Variants in CCDC3 observed in about 807,000 individuals in gnomAD.
CCDC3 encodes the protein coiled-coil domain containing 3, also known as coiled-coil domain-containing protein 3.
Under a neutral mutation model 21.4 loss-of-function variants are expected in CCDC3, and 24 were observed. The observed-to-expected ratio is 1.12, with a 90% confidence interval of 0.81 to 1.58. CCDC3 has a LOEUF of 1.58. CCDC3 is among the 40% of genes most tolerant of loss of function. The probability of loss-of-function intolerance (pLI) is 0.00; values close to 1 mark genes in which losing one functional copy is unlikely to be tolerated. For synonymous variants in CCDC3, 186 were observed against 166.0 expected (o/e 1.12, Z -0.93); for missense variants, 425 against 360.9 (o/e 1.18, Z -1.44).
intron 2 of CCDC3, among the ~76,000 whole-genome samples, chr10:12,965,372 T>C (rs1835245733): frequency 6.6e-6 from 1 of 152,188 alleles, no homozygotes; most frequent in Non-Finnish European, 1.5e-5. Flanking sequence ...AGGGAAAATC[T>C]TCTCCCTCCT....
chr10:12,907,460 C>T (rs1247278251), intron 2 of CCDC3, among the ~76,000 whole-genome samples: 1 of 152,122 alleles, frequency 6.6e-6, no homozygotes, highest in Non-Finnish European at 1.5e-5. Flanking sequence ...GCCTGGCCAA[C>T]ATGGCAAAAC....
intron 2 of CCDC3, among the ~76,000 whole-genome samples, chr10:12,934,892 G>C (rs1834711588): frequency 6.6e-6 from 1 of 151,998 alleles, no homozygotes; most frequent in Non-Finnish European, 1.5e-5. Flanking sequence ...GCCTCCCACA[G>C]TGTTTGGATT....
At chr10:12,995,960 T>G (rs1835756158) in intron 2 of CCDC3, among the ~76,000 whole-genome samples, 1 of 152,208 alleles carries the variant, frequency 6.6e-6, no homozygotes, top group Admixed American at 6.5e-5. Flanking sequence ...GTTATGTAGC[T>G]TAAGATTTTA....
intron 3 of CCDC3, among the ~76,000 whole-genome samples, chr10:13,081,298 A>T (rs940151710): frequency 4.6e-5 from 7 of 152,206 alleles, no homozygotes; most frequent in Non-Finnish European, 5.9e-5. Context: ...TTCCCTCAGA[A>T]CTAAGTCTTT....
chr10:13,008,583 A>G (rs756300556), intron 5 of CCDC3, among the ~76,000 whole-genome samples: 1 of 152,268 alleles, frequency 6.6e-6, no homozygotes. Context: ...ACATATATGG[A>G]AAGAAAGAAA....
chr10:12,996,918 G>A (rs1835770234), intron 2 of CCDC3, among the ~76,000 whole-genome samples: 1 of 152,052 alleles, frequency 6.6e-6, no homozygotes, highest in African/African-American at 2.4e-5. Context: ...ATAGACACGG[G>A]GGCCTACGTG....
chr10:12,991,684 C>T (rs187327173), intron 2 of CCDC3, among the ~76,000 whole-genome samples: 22 of 152,270 alleles, frequency 1.4e-4, no homozygotes, highest in African/African-American at 5.3e-4. Context: ...TCAACTCCAG[C>T]GCCAGTCAAG....
At chr10:12,964,956 G>A (rs991542448) in intron 2 of CCDC3, among the ~76,000 whole-genome samples, 2 of 152,174 alleles carry the variant, frequency 1.3e-5, no homozygotes, top group African/African-American at 4.8e-5. Context: ...GGCTTTCTCT[G>A]AATTCCCTTT....
chr10:12,909,665 C>T (rs1280301073), intron 2 of CCDC3, among the ~76,000 whole-genome samples: 1 of 152,164 alleles, frequency 6.6e-6, no homozygotes, highest in Non-Finnish European at 1.5e-5. Flanking sequence ...AGCAATGAGG[C>T]TGTGGAGAGT....
At chr10:13,074,692 A>G (rs1836938934) in intron 3 of CCDC3, among the ~76,000 whole-genome samples, 1 of 152,072 alleles carries the variant, frequency 6.6e-6, no homozygotes, top group Admixed American at 6.5e-5. Context: ...TCATAAGCAC[A>G]AATACGCGTG....
chr10:12,935,654 A>C (rs1761157248), intron 2 of CCDC3, among the ~76,000 whole-genome samples: 1 of 150,488 alleles, frequency 6.6e-6, no homozygotes, highest in African/African-American at 2.5e-5. Context: ...TACACATACA[A>C]CCAATCCAAG....
chr10:12,971,988 G>T (rs1031041493), intron 2 of CCDC3, among the ~76,000 whole-genome samples: 2 of 151,862 alleles, frequency 1.3e-5, no homozygotes, highest in Admixed American at 6.6e-5. Context: ...TGCCCAGCCC[G>T]AAGTTTTTGT....
intron 5 of CCDC3, among the ~76,000 whole-genome samples, chr10:13,011,291 T>C (rs1473910666): frequency 1.3e-5 from 2 of 152,108 alleles, no homozygotes; most frequent in Non-Finnish European, 2.9e-5. Flanking sequence ...GAAAACCTCA[T>C]AGTCTCTCCC....
At chr10:12,950,883 T>A (rs1367872900) in intron 2 of CCDC3, among the ~76,000 whole-genome samples, 2 of 152,162 alleles carry the variant, frequency 1.3e-5, no homozygotes, top group Non-Finnish European at 2.9e-5. Flanking sequence ...TGACTCCATT[T>A]AATGCCCAAC....
At chr10:12,994,607 C>T (rs187793680) in intron 2 of CCDC3, among the ~76,000 whole-genome samples, 2 of 152,198 alleles carry the variant, frequency 1.3e-5, no homozygotes, top group Admixed American at 1.3e-4. Context: ...AGTCTAACAT[C>T]TATTCTTACT....
intron 2 of CCDC3, among the ~76,000 whole-genome samples, chr10:12,984,519 T>C (rs1382261230): frequency 1.3e-5 from 2 of 152,192 alleles, no homozygotes; most frequent in Non-Finnish European, 2.9e-5. Context: ...AGGCTAAACA[T>C]AGTTACCATC....
At chr10:13,029,590 T>C (rs1375447689) in intron 5 of CCDC3, among the ~76,000 whole-genome samples, 1 of 151,906 alleles carries the variant, frequency 6.6e-6, no homozygotes, top group African/African-American at 2.4e-5. Context: ...CTAAAAACCA[T>C]GAAGAAAGAT....
chr10:12,933,643 A>C (rs1834688253), intron 2 of CCDC3, among the ~76,000 whole-genome samples: 1 of 152,016 alleles, frequency 6.6e-6, no homozygotes, highest in Admixed American at 6.6e-5. Context: ...TTTTTAGTAG[A>C]GATGGGGTTT....
At position 12,898,375 on chromosome 10, in the gene CCDC3, C is replaced by A; in HGVS notation, c.*41G>T. 6.5e-7 allele frequency: 1 copy of A among 1,532,894 alleles called. No individual in the cohort carries two copies. Among genetic ancestry groups the A allele is most frequent in the Non-Finnish European group, 8.8e-7 (1 of 1,140,936 alleles). The allele number at this position is 1,532,894 out of a possible 1,614,324, so 95.0% of individuals were successfully genotyped here. ...CGAAACCTCACTCATTCTCAATTAC[C>A]GTCAGGATTGGCCCTGCACACCTGG... On this transcript the variant is annotated 3_prime_UTR_variant, in exon 3 of 3. Coordinates refer to ENST00000378825, the MANE Select transcript of CCDC3 (RefSeq NM_031455.4).
Sources: gnomAD v4.1 joint callset for allele counts (sites outside exome capture counted in the v4.1 genomes callset) on GRCh38, gnomAD v4.1.1 for gene constraint, MANE v1.5 for transcripts, NCBI Gene and HGNC (gene_info 2026-07-23, HGNC 2026-07-21) for gene names.